CCSER2: variants seen among roughly 807,000 people sequenced by gnomAD.
CCSER2 encodes coiled-coil serine rich protein 2.
Under a neutral mutation model 92.3 loss-of-function variants are expected in CCSER2, and 46 were observed. That is an observed-to-expected ratio of 0.50 (90% CI 0.39 to 0.64). The LOEUF (loss-of-function observed/expected upper bound fraction) is 0.64. Among genes scored for constraint, CCSER2 ranks in the 30% least tolerant of loss-of-function variants. The pLI, the probability that CCSER2 is intolerant of heterozygous loss-of-function variation, is 0.00. For synonymous variants in CCSER2, 433 were observed against 431.4 expected (o/e 1.00, Z -0.04); for missense variants, 1,244 against 1,238.9 (o/e 1.00, Z -0.06).
At chr10:84,451,254 GT>G (rs554339043) in intron 6 of CCSER2, among the ~76,000 whole-genome samples, 54 of 139,526 alleles carry the variant, frequency 3.9e-4, no homozygotes, top group Non-Finnish European at 4.8e-4. Context: ...GGTTGGTTGG[GT>G]TTTTTTTTTT....
chr10:84,381,834 A>C (rs1196154542), intron 3 of CCSER2, among the ~76,000 whole-genome samples: 10 of 150,810 alleles, frequency 6.6e-5, no homozygotes, highest in African/African-American at 2.4e-4. Context: ...AGGCTAGGAG[A>C]ATTGCTTGAA....
chr10:84,373,477 G>A (rs903972996), intron 2 of CCSER2, 142 bp from the exon 3 acceptor site: 32 of 603,386 alleles, frequency 5.3e-5, no homozygotes, highest in African/African-American at 5.2e-4. Context: ...TTATTGCTTA[G>A]GATATAGAAA....
At position 84,328,824 on chromosome 10, in the gene CCSER2, A is replaced by G; in HGVS notation, c.-40+16A>G. On this transcript the variant is annotated intron_variant, in intron 1 of 9. Transcript: ENST00000372088. ...CCTCCGCACGGTGAGATCCGGGCTC[A>G]GGGCCAGAGCCGGGGCCGGGGTCGC... is the stretch of plus-strand genomic sequence containing the variant. 1 of 151,088 alleles carries G rather than the reference A, an allele frequency of 6.6e-6. No individual in the cohort carries two copies. The highest frequency in any genetic ancestry group is 1.9e-4 in the South Asian group (1 of 5,134). The allele number at this position is 151,088 out of a possible 1,614,324, so 9.4% of individuals were successfully genotyped here.
At chr10:84,355,287 T>C (rs558951144) in intron 1 of CCSER2, among the ~76,000 whole-genome samples, 75 of 152,246 alleles carry the variant, frequency 4.9e-4, no homozygotes, top group African/African-American at 1.5e-3. Flanking sequence ...TTTCTTCTTA[T>C]GCATTTCTGA....
At chr10:84,419,034 CA>C (rs1176637078) in intron 4 of CCSER2, among the ~76,000 whole-genome samples, 1 of 151,694 alleles carries the variant, frequency 6.6e-6, no homozygotes, top group Non-Finnish European at 1.5e-5. Context: ...TTTAGAATAA[CA>C]AAAAATATTT....
intron 9 of CCSER2, among the ~76,000 whole-genome samples, chr10:84,504,473 AC>A (rs1370895278): frequency 1.3e-5 from 2 of 152,134 alleles, no homozygotes; most frequent in East Asian, 3.9e-4. Flanking sequence ...CTGAATGCCC[AC>A]CTTTGCCATT....
chr10:84,455,002 A>G (rs998471049), intron 6 of CCSER2, among the ~76,000 whole-genome samples: 49 of 152,170 alleles, frequency 3.2e-4, no homozygotes, highest in African/African-American at 1.2e-3. Context: ...AATAAGTCTC[A>G]TGAGATCTGA....
At chr10:84,376,509 C>T (rs1202221311) in intron 3 of CCSER2, among the ~76,000 whole-genome samples, 2 of 152,120 alleles carry the variant, frequency 1.3e-5, no homozygotes, top group Middle Eastern at 3.4e-3. Context: ...AGCTTCTTTT[C>T]ATTAATATTA....
chr10:84,437,158 G>C (rs148277462), intron 5 of CCSER2, among the ~76,000 whole-genome samples: 27,208 of 148,606 alleles, frequency 0.18, 2,973 homozygotes, highest in Admixed American at 0.32. Flanking sequence ...CACAGAGAGA[G>C]AGAGAGAGAG....
In CCSER2 at chr10:84,362,615, A is replaced by G. The variant is rs79510275; in HGVS notation, c.-39-8399A>G. On this transcript the variant is annotated intron_variant, in intron 1 of 9. Coordinates refer to ENST00000372088, the MANE Select transcript of CCSER2 (RefSeq NM_001284240.2). ...CAAATTCCTTTTGAGCTTAACTTTT[A>G]CAAGTTACTTTGAACTCCATTTATG... 7.5e-3 allele frequency among the ~76,000 whole-genome samples: 1,147 copies of G among 152,256 alleles called. 7 individuals carry two copies. Among genetic ancestry groups the G allele is most frequent in the Non-Finnish European group, 0.012 (843 of 68,026 alleles).
chr10:84,351,341 T>C (rs1180469511), intron 1 of CCSER2, among the ~76,000 whole-genome samples: 1 of 152,088 alleles, frequency 6.6e-6, no homozygotes, highest in Non-Finnish European at 1.5e-5. Context: ...AAGCGATTCT[T>C]GTGCCTCAGT....
chr10:84,363,225 C>T (rs1845605113), intron 1 of CCSER2, among the ~76,000 whole-genome samples: 1 of 150,726 alleles, frequency 6.6e-6, no homozygotes, highest in South Asian at 2.1e-4. Flanking sequence ...AACTCCTGAC[C>T]TCAGGTGATC....
At chr10:84,459,364 G>A (rs1219852708) in intron 6 of CCSER2, among the ~76,000 whole-genome samples, 2 of 151,762 alleles carry the variant, frequency 1.3e-5, no homozygotes, top group East Asian at 1.9e-4. Flanking sequence ...TTTCCTATTC[G>A]TTCGCCTTTT....
chr10:84,382,031 G>A (rs1417289461), intron 3 of CCSER2, among the ~76,000 whole-genome samples: 1 of 152,050 alleles, frequency 6.6e-6, no homozygotes, highest in African/African-American at 2.4e-5. Context: ...AACTCCATTG[G>A]GAGAGGACTC....
intron 3 of CCSER2, among the ~76,000 whole-genome samples, chr10:84,380,505 C>T (rs892381635): frequency 6.8e-6 from 1 of 146,886 alleles, no homozygotes; most frequent in African/African-American, 2.5e-5. Flanking sequence ...ATTGTTTTTG[C>T]TTCACATGCT....
chr10:84,465,290 T>TGAGA (rs1554856586), intron 7 of CCSER2, among the ~76,000 whole-genome samples: 7 of 100,660 alleles, frequency 7.0e-5, no homozygotes, highest in Non-Finnish European at 1.4e-4. Flanking sequence ...TGTGTGTGTG[T>TGAGA]GAAAAAGTTT....
At chr10:84,392,926 G>A (rs1021828463) in intron 3 of CCSER2, among the ~76,000 whole-genome samples, 5 of 152,060 alleles carry the variant, frequency 3.3e-5, no homozygotes, top group African/African-American at 1.2e-4. Context: ...TTAAGGGTTA[G>A]GCATGCTTTC....
At chr10:84,394,765 T>C (rs1841735294) in intron 3 of CCSER2, among the ~76,000 whole-genome samples, 1 of 152,152 alleles carries the variant, frequency 6.6e-6, no homozygotes, top group African/African-American at 2.4e-5. Context: ...AATATTTCTG[T>C]ATCAGATCTT....
chr10:84,477,549 T>C (rs751649635), intron 8 of CCSER2, 26 bp from the exon 9 acceptor site: 5 of 1,334,692 alleles, frequency 3.7e-6, no homozygotes, highest in Non-Finnish European at 4.3e-6. Flanking sequence ...ATTAAACCAA[T>C]GTAAAAATTT....
Sources: allele counts gnomAD v4.1 joint callset (sites outside exome capture counted in the v4.1 genomes callset), GRCh38; gene constraint gnomAD v4.1.1; transcripts MANE v1.5; gene names NCBI Gene and HGNC (gene_info 2026-07-23, HGNC 2026-07-21).